TSPAN18: variants seen among roughly 807,000 people sequenced by gnomAD.
TSPAN18 encodes tetraspanin-18.
A neutral mutation model predicts 27.3 loss-of-function variants in TSPAN18; 14 were observed. That is an observed-to-expected ratio of 0.51 (90% CI 0.34 to 0.80). The LOEUF is 0.80. TSPAN18 is among the 30% of genes least tolerant of loss of function. TSPAN18 has a pLI of 0.01. For missense variants in TSPAN18, 268 were observed against 323.9 expected, an observed-to-expected ratio of 0.83 and a Z score of 1.32; for synonymous variants, 143 against 136.5, an observed-to-expected ratio of 1.05 and a Z score of -0.33.
At chr11:44,781,405 G>A (rs1855937023) in intron 2 of TSPAN18, among the ~76,000 whole-genome samples, 1 of 152,180 alleles carries the variant, frequency 6.6e-6, no homozygotes, top group South Asian at 2.1e-4. Flanking sequence ...ACCTTAATTG[G>A]TCATTGGAAA....
chr11:44,796,546 C>T (rs761648436), intron 2 of TSPAN18, among the ~76,000 whole-genome samples: 14 of 152,118 alleles, frequency 9.2e-5, no homozygotes, highest in Non-Finnish European at 1.9e-4. Flanking sequence ...GGCAACACCT[C>T]TCCGGGTTTT....
intron 5 of TSPAN18, among the ~76,000 whole-genome samples, chr11:44,911,614 C>T (rs117098306): frequency 2.4e-3 from 373 of 152,276 alleles, no homozygotes; most frequent in Non-Finnish European, 3.7e-3. Flanking sequence ...CCAGAACAGA[C>T]CCAGCCTCCC....
chr11:44,773,952 G>C (rs955009199), intron 2 of TSPAN18, among the ~76,000 whole-genome samples: 1 of 152,160 alleles, frequency 6.6e-6, no homozygotes, highest in African/African-American at 2.4e-5. Context: ...GAGCCTGCGA[G>C]GCTGCCTCCC....
chr11:44,732,261 A>T (rs1854680055), intron 1 of TSPAN18, among the ~76,000 whole-genome samples: 1 of 152,250 alleles, frequency 6.6e-6, no homozygotes. Context: ...GATGATTATC[A>T]TGGGGCAGAC....
intron 2 of TSPAN18, among the ~76,000 whole-genome samples, chr11:44,830,945 A>T (rs1424569448): frequency 6.6e-6 from 1 of 151,374 alleles, no homozygotes; most frequent in Non-Finnish European, 1.5e-5. Context: ...ATTCACACTT[A>T]AAAAAAAATG....
intron 2 of TSPAN18, among the ~76,000 whole-genome samples, chr11:44,842,170 C>T (rs1857387255): frequency 6.6e-6 from 1 of 152,222 alleles, no homozygotes; most frequent in African/African-American, 2.4e-5. Context: ...GGCACAGCCT[C>T]AGTCTCCTTC....
chr11:44,832,328 C>T (rs1857171264), intron 2 of TSPAN18, among the ~76,000 whole-genome samples: 1 of 152,190 alleles, frequency 6.6e-6, no homozygotes, highest in Admixed American at 6.5e-5. Flanking sequence ...CTAGCCCAGT[C>T]CATGCTATTA....
intron 5 of TSPAN18, among the ~76,000 whole-genome samples, chr11:44,912,251 G>A (rs1397657871): frequency 6.6e-6 from 1 of 151,938 alleles, no homozygotes; most frequent in Admixed American, 6.6e-5. Context: ...TGAACTCCTG[G>A]GCTCAAATGA....
At chr11:44,850,589 T>C (rs1168211069) in intron 2 of TSPAN18, among the ~76,000 whole-genome samples, 2 of 152,196 alleles carry the variant, frequency 1.3e-5, no homozygotes, top group African/African-American at 2.4e-5. Flanking sequence ...TGAGCCTTAC[T>C]CTGCCCCAGA....
chr11:44,887,024 G>T (rs1858680601), intron 3 of TSPAN18, among the ~76,000 whole-genome samples: 2 of 152,216 alleles, frequency 1.3e-5, no homozygotes, highest in Non-Finnish European at 1.5e-5. Context: ...ATTTACTCTT[G>T]CTGTCCTAAC....
At chr11:44,749,053 C>T (rs1290649355) in intron 1 of TSPAN18, among the ~76,000 whole-genome samples, 1 of 152,176 alleles carries the variant, frequency 6.6e-6, no homozygotes, top group Non-Finnish European at 1.5e-5. Flanking sequence ...TACTGCATGT[C>T]TGGCAGAGCT....
chr11:44,806,330 T>C (rs929001542), intron 2 of TSPAN18, among the ~76,000 whole-genome samples: 3 of 152,178 alleles, frequency 2.0e-5, no homozygotes, highest in African/African-American at 7.2e-5. Flanking sequence ...CCACCGCGCC[T>C]GGCCAATATT....
chr11:44,804,392 G>A (rs770584081), intron 2 of TSPAN18, among the ~76,000 whole-genome samples: 1 of 152,226 alleles, frequency 6.6e-6, no homozygotes, highest in Non-Finnish European at 1.5e-5. Context: ...CGCCCAGCCA[G>A]TAAGTTTCTT....
At chr11:44,876,732 A>G (rs1858343240) in intron 3 of TSPAN18, among the ~76,000 whole-genome samples, 1 of 152,252 alleles carries the variant, frequency 6.6e-6, no homozygotes, top group South Asian at 2.1e-4. Context: ...TCATTTGAGT[A>G]TGAAGAATAA....
intron 8 of TSPAN18, 34 bp from the exon 9 acceptor site, chr11:44,926,640 G>A (rs1450141764): frequency 1.3e-6 from 2 of 1,599,100 alleles, no homozygotes; most frequent in African/African-American, 2.7e-5. Flanking sequence ...TCTCAACCCT[G>A]GCCATAGCTT....
chr11:44,745,893 T>G (rs999089101), intron 1 of TSPAN18, among the ~76,000 whole-genome samples: 24 of 152,008 alleles, frequency 1.6e-4, no homozygotes, highest in Non-Finnish European at 3.4e-4. Flanking sequence ...CGGGCGTGGT[T>G]GCAGGCGCCT....
intron 3 of TSPAN18, chr11:44,903,486 C>T (rs1186173401): frequency 6.6e-6 from 3 of 456,530 alleles, no homozygotes; most frequent in South Asian, 1.5e-5. Flanking sequence ...GGTTGGGTTC[C>T]AGCAAGAGAG....
Position 44,781,490 on chromosome 11 carries a change from G to A in TSPAN18, c.-153+16978G>A, listed in dbSNP as rs376746400. ...GTCTGTGTTGCTCTAGAGGCTGCAG[G>A]AGAAGGTGCAGTAGCAGCACATAGT... On this transcript the variant is annotated intron_variant, in intron 2 of 9. Coordinates refer to ENST00000520358, the MANE Select transcript of TSPAN18 (RefSeq NM_130783.5). Among the ~76,000 whole-genome samples the A allele has an allele frequency of 2.6e-5, 4 of 152,356 alleles. No homozygotes were observed. The East Asian group carries it at 7.7e-4, about 29-fold the overall frequency.
At chr11:44,868,549 A>G (rs953975690) in intron 3 of TSPAN18, among the ~76,000 whole-genome samples, 1 of 152,188 alleles carries the variant, frequency 6.6e-6, no homozygotes, top group African/African-American at 2.4e-5. Context: ...CCCCTTCCTC[A>G]GAGACCCCAG....
Sources: allele counts gnomAD v4.1 joint callset (sites outside exome capture counted in the v4.1 genomes callset), GRCh38; gene constraint gnomAD v4.1.1; transcripts MANE v1.5; gene names NCBI Gene and HGNC (gene_info 2026-07-23, HGNC 2026-07-21).